The following PTK2 variants were observed in gnomAD, a reference collection of about 807,000 sequenced individuals.
PTK2 encodes protein tyrosine kinase 2.
A neutral mutation model predicts 150.1 loss-of-function variants in PTK2; 45 were observed. The ratio of observed to expected loss-of-function variants is 0.30; its 90% CI spans 0.24 to 0.38. The LOEUF (loss-of-function observed/expected upper bound fraction) is 0.38. Ranked by LOEUF, PTK2 falls within the 10% of genes least tolerant of loss-of-function variation. The probability of loss-of-function intolerance (pLI) is 1.00; values close to 1 mark genes in which losing one functional copy is unlikely to be tolerated. For synonymous variants in PTK2, 432 were observed against 449.2 expected (o/e 0.96, Z 0.48); for missense variants, 919 against 1,307.3 (o/e 0.70, Z 4.58).
chr8:140,753,771 T>C lies in PTK2; in HGVS notation c.1333-1455A>G, dbSNP rs2100064098. ...TCATTTACATAACTACTGTCTATTC[T>C]CCATCACTAAAATGTAAGTTTCAAG... On this transcript the variant is annotated intron_variant, in intron 16 of 31. Coordinates refer to ENST00000522684, the Ensembl canonical transcript of PTK2. Among the ~76,000 whole-genome samples the C allele has an allele frequency of 2.0e-5, 3 of 152,344 alleles. No homozygotes were observed. The East Asian group carries it at 5.8e-4, about 29-fold the overall frequency.
chr8:140,898,229 T>A (rs1023733751), intron 2 of PTK2, among the ~76,000 whole-genome samples: 4 of 152,232 alleles, frequency 2.6e-5, no homozygotes, highest in Non-Finnish European at 5.9e-5. Context: ...AAAATTACTA[T>A]CAAATTGCTG....
chr8:140,759,181 A>G (rs1258318638), intron 16 of PTK2, among the ~76,000 whole-genome samples: 2 of 152,204 alleles, frequency 1.3e-5, no homozygotes, highest in Admixed American at 1.3e-4. Flanking sequence ...CTAAAGTGTC[A>G]TTTAAAAAAT....
chr8:140,978,914 G>A (rs1209658457), intron 1 of PTK2, among the ~76,000 whole-genome samples: 1 of 151,874 alleles, frequency 6.6e-6, no homozygotes, highest in African/African-American at 2.4e-5. Flanking sequence ...ATACACCATG[G>A]AATACTATGC....
At chr8:140,899,448 C>T (rs932658552) in intron 2 of PTK2, among the ~76,000 whole-genome samples, 15 of 152,106 alleles carry the variant, frequency 9.9e-5, no homozygotes, top group African/African-American at 3.4e-4. Flanking sequence ...CACATACAAC[C>T]TATCAAGATT....
intron 1 of PTK2, among the ~76,000 whole-genome samples, chr8:140,994,851 G>T (rs1310952744): frequency 6.6e-6 from 1 of 152,108 alleles, no homozygotes; most frequent in Non-Finnish European, 1.5e-5. Flanking sequence ...ATAATGGGCC[G>T]AAGTGGGAGG....
chr8:140,736,631 C>T (rs947460394), intron 21 of PTK2, among the ~76,000 whole-genome samples: 1 of 152,124 alleles, frequency 6.6e-6, no homozygotes, highest in Non-Finnish European at 1.5e-5. Flanking sequence ...GAACTGGTGG[C>T]GTAAAGGATG....
intron 5 of PTK2, among the ~76,000 whole-genome samples, chr8:140,847,932 T>C (rs1382835007): frequency 6.6e-6 from 1 of 152,116 alleles, no homozygotes; most frequent in African/African-American, 2.4e-5. Context: ...ATTATGACCG[T>C]CCCTTGCAAA....
intron 21 of PTK2, among the ~76,000 whole-genome samples, chr8:140,735,695 T>G (rs1034964955): frequency 1.3e-5 from 2 of 152,232 alleles, no homozygotes; most frequent in African/African-American, 4.8e-5. Flanking sequence ...CAGAGGTTTA[T>G]TTTTTCTCTA....
chr8:140,770,280 A>G (rs1468911542), intron 14 of PTK2, among the ~76,000 whole-genome samples: 1 of 152,234 alleles, frequency 6.6e-6, no homozygotes, highest in East Asian at 1.9e-4. Flanking sequence ...TCTACTATGC[A>G]GCAGCCCTAA....
At chr8:140,664,642 G>A (rs2087114070) in intron 31 of PTK2, among the ~76,000 whole-genome samples, 2 of 152,194 alleles carry the variant, frequency 1.3e-5, no homozygotes, top group Non-Finnish European at 1.5e-5. Flanking sequence ...TAGCTCAGAT[G>A]AGGACCTTGC....
intron 27 of PTK2, 46 bp downstream of exon 30, chr8:140,686,586 G>T: frequency 6.8e-7 from 1 of 1,469,644 alleles, no homozygotes; most frequent in Non-Finnish European, 9.5e-7. Context: ...GATGGTCCAC[G>T]CACAGGAGAA....
chr8:140,849,728 C>T lies in PTK2; in HGVS notation c.451-3050G>A, dbSNP rs78659793. ...ACCAGTTACTACGCTAAGCATTTTA[C>T]GTATATTTCTGATCTTTACAATAAT... On this transcript the variant is annotated intron_variant, in intron 5 of 31. Transcript: ENST00000522684. Among the ~76,000 whole-genome samples, 507 of 152,322 alleles carry T rather than the reference C, an allele frequency of 3.3e-3. 13 individuals carry two copies. The East Asian group carries it at 0.063, about 19-fold the overall frequency.
intron 12 of PTK2, 53 bp downstream of exon 12, chr8:140,800,406 A>T: frequency 1.4e-6 from 2 of 1,412,610 alleles, no homozygotes; most frequent in Non-Finnish European, 2.0e-6. Context: ...GGGCAAGCAC[A>T]GCTAAATATT....
intron 12 of PTK2, among the ~76,000 whole-genome samples, chr8:140,794,550 G>C (rs1226273389): frequency 6.6e-6 from 1 of 151,806 alleles, no homozygotes; most frequent in Non-Finnish European, 1.5e-5. Context: ...CATCTGCCTT[G>C]CTAAGCCCAA....
chr8:140,770,877 T>G, intron 14 of PTK2, 78 bp from the exon 15 acceptor site: 3 of 611,240 alleles, frequency 4.9e-6, no homozygotes, highest in Non-Finnish European at 6.9e-6. Context: ...TTGTTACATT[T>G]AAAGGCTTAT....
intron 7 of PTK2, among the ~76,000 whole-genome samples, chr8:140,835,777 GAAA>G (rs542441803): frequency 2.6e-5 from 4 of 151,928 alleles, no homozygotes; most frequent in African/African-American, 4.8e-5. Context: ...GTGTTGATGA[GAAA>G]AAAAATTGAT....
chr8:140,677,778 T>G (rs567516490), intron 27 of PTK2, among the ~76,000 whole-genome samples: 29 of 152,382 alleles, frequency 1.9e-4, no homozygotes, highest in African/African-American at 6.7e-4. Context: ...CTTATTTTTG[T>G]GTAGTGCTTT....
intron 8 of PTK2, chr8:140,821,999 T>C (rs1007389488): frequency 6.6e-6 from 1 of 152,234 alleles, no homozygotes; most frequent in African/African-American, 2.4e-5. Flanking sequence ...TGATCACCTA[T>C]GTAGGACAGA....
Position 140,674,414 on chromosome 8 carries a change from G to C in PTK2, c.2603-10C>G, listed in dbSNP as rs776661699. On this transcript the variant is annotated splice_polypyrimidine_tract_variant and intron_variant, in intron 28 of 31. Transcript: ENST00000522684. The stretch of plus-strand genomic sequence containing the variant: ...GGTGGAGCTGCAGGATCTGGTGAGA[G>C]AGAATGATTCCCATTAAGTCATGTG... 6.3e-7 allele frequency: 1 copy of C among 1,576,528 alleles called. No individual in the cohort carries two copies. The highest frequency in any genetic ancestry group is 8.6e-7 in the Non-Finnish European group (1 of 1,159,802).
Sources: gnomAD v4.1 joint callset for allele counts (sites outside exome capture counted in the v4.1 genomes callset) on GRCh38, gnomAD v4.1.1 for gene constraint, MANE v1.5 for transcripts, NCBI Gene and HGNC (gene_info 2026-07-23, HGNC 2026-07-21) for gene names.